ADGRV1: variants seen among roughly 807,000 people sequenced by gnomAD.
The protein encoded by ADGRV1 is adhesion G protein-coupled receptor V1, also known as G-protein coupled receptor 98.
In ADGRV1, 359 loss-of-function variants were observed where a neutral mutation model predicts 596.2. The observed-to-expected ratio is 0.60, with a 90% CI of 0.55 to 0.66. The LOEUF is 0.66. Among genes scored for constraint, ADGRV1 ranks in the 30% least tolerant of loss-of-function variants. The pLI, the probability that ADGRV1 is intolerant of heterozygous loss-of-function variation, is 0.00. For synonymous variants in ADGRV1, 2,681 were observed against 2,679.2 expected (o/e 1.00, Z -0.02); for missense variants, 7,274 against 7,575.6 (o/e 0.96, Z 1.48).
At chr5:90,990,714 A>G (rs1049131590) in intron 85 of ADGRV1, among the ~76,000 whole-genome samples, 3 of 152,192 alleles carry the variant, frequency 2.0e-5, no homozygotes, top group African/African-American at 7.2e-5. Flanking sequence ...CTTCTTTTCT[A>G]TCTTATAATT....
chr5:90,990,374 T>A (rs2151068747), intron 85 of ADGRV1, among the ~76,000 whole-genome samples: 1 of 152,290 alleles, frequency 6.6e-6, no homozygotes, highest in South Asian at 2.1e-4. Context: ...TAACTTGAAA[T>A]TCAGCCTGGA....
chr5:90,978,524 G>A (rs78162099), intron 84 of ADGRV1, among the ~76,000 whole-genome samples: 9,056 of 151,904 alleles, frequency 0.06, 363 homozygotes, highest in Middle Eastern at 0.14. Flanking sequence ...GCACAACAGG[G>A]TGATTGTGCT....
intron 83 of ADGRV1, among the ~76,000 whole-genome samples, chr5:90,948,301 T>C (rs1181381712): frequency 6.6e-6 from 1 of 151,958 alleles, no homozygotes; most frequent in African/African-American, 2.4e-5. Flanking sequence ...TGGTCAGTAA[T>C]ATAAAATACC....
At chr5:90,781,196 A>G (rs1039835938) in intron 64 of ADGRV1, 3 of 502,504 alleles carry the variant, frequency 6.0e-6, no homozygotes, top group South Asian at 2.1e-5. Flanking sequence ...GTAACTTTAT[A>G]TTAGTTTTGG....
At position 90,755,182 on chromosome 5, in the gene ADGRV1, G is replaced by A. The variant is rs2149974361; in HGVS notation, c.11577G>A (p.Leu3859=). The A allele has an allele frequency of 6.3e-7, 1 of 1,596,732 alleles. No individual in the cohort carries two copies. The highest frequency in any genetic ancestry group is 1.7e-4 in the Middle Eastern group (1 of 5,982). The change falls in exon 55 of 90, where the codon TTG becomes TTA. Residue 3859 remains leucine (L), a synonymous_variant. Transcript: ENST00000405460. ...IKEAHAEVSI[L]PDDLPELEEG... is the part of the protein sequence containing the mutation. ...AAGCTCATGCCGAAGTTTCCATTTT[G>A]CCGGTAAGTCAAGGCTGCAAAGAAT...
intron 1 of ADGRV1, among the ~76,000 whole-genome samples, chr5:90,588,322 T>C (rs191965883): frequency 6.6e-6 from 1 of 152,350 alleles, no homozygotes; most frequent in Non-Finnish European, 1.5e-5. Flanking sequence ...TTTGGATTCA[T>C]ATAAATGTGT....
chr5:90,809,256 A>G (rs1220113578), intron 73 of ADGRV1, among the ~76,000 whole-genome samples: 1 of 144,526 alleles, frequency 6.9e-6, no homozygotes, highest in Non-Finnish European at 1.5e-5. Context: ...GCGGCCAGGC[A>G]TAAATCTTAC....
chr5:90,756,558 A>G lies in ADGRV1; in HGVS notation c.11685A>G (p.Gly3895=). The G allele has an allele frequency of 6.2e-7, 1 of 1,613,698 alleles. No individual in the cohort carries two copies. Among genetic ancestry groups the G allele is most frequent in the Non-Finnish European group, 8.5e-7 (1 of 1,179,656 alleles). ...STGQPSVRRP[G]MEIAEIMIEE... ...GACAGCCAAGTGTGCGGAGGCCCGG[A>G]ATGGAAATAGCTGAGATAATGATAG... The change falls in exon 56 of 90, where the codon GGA becomes GGG. Residue 3895 remains glycine (G), a synonymous_variant. Transcript: ENST00000405460.
chr5:90,700,725 C>G (rs1419813535), intron 34 of ADGRV1, among the ~76,000 whole-genome samples: 1 of 152,126 alleles, frequency 6.6e-6, no homozygotes, highest in Non-Finnish European at 1.5e-5. Flanking sequence ...TAGAACCGCT[C>G]TACTGGAAAC....
intron 88 of ADGRV1, 56 bp from the exon 89 acceptor site, chr5:91,153,165 G>A: frequency 6.9e-7 from 1 of 1,441,998 alleles, no homozygotes; most frequent in Non-Finnish European, 9.5e-7. Context: ...GTTTCATAGT[G>A]AATGTGTATG....
At chr5:90,651,045 GAATC>G (rs1242593861) in intron 17 of ADGRV1, among the ~76,000 whole-genome samples, 1 of 152,154 alleles carries the variant, frequency 6.6e-6, no homozygotes, top group African/African-American at 2.4e-5. Context: ...GAGTAGAAAG[GAATC>G]AAGCCCAAAC....
At chr5:91,041,200 C>A (rs1175203342) in intron 85 of ADGRV1, among the ~76,000 whole-genome samples, 1 of 152,092 alleles carries the variant, frequency 6.6e-6, no homozygotes, top group Non-Finnish European at 1.5e-5. Flanking sequence ...ATGTTTATTG[C>A]AGCACTATTC....
At chr5:91,151,949 G>A (rs936361192) in intron 88 of ADGRV1, among the ~76,000 whole-genome samples, 2 of 152,150 alleles carry the variant, frequency 1.3e-5, no homozygotes, top group South Asian at 2.1e-4. Context: ...TTTCAGAAAC[G>A]AAGTGTCTTT....
chr5:91,014,963 G>T (rs562971716), intron 85 of ADGRV1, among the ~76,000 whole-genome samples: 144 of 151,966 alleles, frequency 9.5e-4, no homozygotes, highest in African/African-American at 3.2e-3. Context: ...TATTTGAGTC[G>T]TGATGTTTGA....
intron 83 of ADGRV1, among the ~76,000 whole-genome samples, chr5:90,888,354 A>T (rs1252593009): frequency 6.6e-6 from 1 of 151,864 alleles, no homozygotes; most frequent in African/African-American, 2.4e-5. Flanking sequence ...TTAAAGAGAA[A>T]AAGTTTTTTT....
chr5:90,861,949 C>G (rs1424592245), intron 82 of ADGRV1, among the ~76,000 whole-genome samples: 1 of 152,116 alleles, frequency 6.6e-6, no homozygotes, highest in Non-Finnish European at 1.5e-5. Context: ...AAAAACGCAT[C>G]TAGATAACTA....
In ADGRV1 at chr5:90,629,444, G is replaced by T. The variant is rs1296181058; in HGVS notation, c.1744G>T (p.Asp582Tyr). 2 of 1,613,570 alleles carry T rather than the reference G, an allele frequency of 1.2e-6. No homozygotes were observed. The highest frequency in any genetic ancestry group is 1.7e-6 in the Non-Finnish European group (2 of 1,179,764). ...CATCTTAAATATATCAAGGAGAAAT[G>T]ACCTCATTTTTCCAGAGCAAAAAAC... ...EGILNISRRNDLIFPEQKTQV... is the reference protein window; with the variant it reads ...EGILNISRRNYLIFPEQKTQV... The change falls in exon 9 of 90, where the codon GAC becomes TAC. Residue 582 changes from aspartate (D) to tyrosine (Y), a missense_variant. Physicochemically the swap from Asp to Tyr is radical, Grantham distance 160. This residue lies in a region of ADGRV1 where 1,715 missense variants were observed against 1,708.8 expected (regional missense o/e 1.00). Transcript: ENST00000405460.
chr5:90,642,096 A>G (rs930187817), intron 11 of ADGRV1, among the ~76,000 whole-genome samples: 1 of 152,194 alleles, frequency 6.6e-6, no homozygotes, highest in African/African-American at 2.4e-5. Context: ...ACATATTCCT[A>G]AAATGTAATC....
At chr5:91,037,069 A>C (rs1329787008) in intron 85 of ADGRV1, among the ~76,000 whole-genome samples, 1 of 152,260 alleles carries the variant, frequency 6.6e-6, no homozygotes, top group South Asian at 2.1e-4. Context: ...ATGGCATAGC[A>C]AGCAGCACTG....
Sources: allele counts gnomAD v4.1 joint callset (sites outside exome capture counted in the v4.1 genomes callset), GRCh38; gene constraint gnomAD v4.1.1; regional missense constraint gnomAD v4.1.1; transcripts MANE v1.5; gene names NCBI Gene and HGNC (gene_info 2026-07-23, HGNC 2026-07-21).